The following FNIP2 variants were observed in gnomAD, a reference collection of about 807,000 sequenced individuals.
The protein encoded by FNIP2 is folliculin interacting protein 2, also known as folliculin-interacting protein 2.
FNIP2 carries 32 observed loss-of-function variants against 108.7 expected under a neutral mutation model. That is an observed-to-expected ratio of 0.29 (90% CI 0.22 to 0.40). FNIP2 has a LOEUF of 0.40. Among genes scored for constraint, FNIP2 ranks in the 10% least tolerant of loss-of-function variants. The pLI is 1.00. For missense variants in FNIP2, 1,202 were observed against 1,381.6 expected (o/e 0.87, Z 2.06); for synonymous variants, 480 against 496.7 (o/e 0.97, Z 0.45).
At chr4:158,872,435 G>A (rs1781004781) in intron 14 of FNIP2, 1 of 985,158 alleles carries the variant, frequency 1.0e-6, no homozygotes, top group South Asian at 4.7e-5. Flanking sequence ...CTTTTAGAAG[G>A]AGTGTTTTCA....
At position 158,869,235 on chromosome 4, in the gene FNIP2, G is replaced by C. The variant is rs760179876; in HGVS notation, c.2599G>C (p.Gly867Arg). Reference protein sequence around the residue: ...CVQRGPGLVAGANIPCGDDNK... With the variant: ...CVQRGPGLVARANIPCGDDNK... ...CCAGCGGGGCCCTGGCCTCGTGGCTGGTGCGAATATCCCCTGTGGGGATGA... is the reference window on the plus strand; with the variant it reads ...CCAGCGGGGCCCTGGCCTCGTGGCTCGTGCGAATATCCCCTGTGGGGATGA... Residue 867 changes from glycine (G) to arginine (R), a missense_variant, in exon 13 of 17, where the codon GGT becomes CGT. Coordinates refer to ENST00000264433, the MANE Select transcript of FNIP2 (RefSeq NM_020840.3). 1 of 1,614,054 alleles carries C rather than the reference G, an allele frequency of 6.2e-7. No homozygotes were observed. The highest frequency in any genetic ancestry group is 1.7e-5 in the Admixed American group (1 of 60,034).
intron 7 of FNIP2, among the ~76,000 whole-genome samples, chr4:158,839,506 C>G (rs1477603876): frequency 6.6e-6 from 1 of 152,048 alleles, no homozygotes; most frequent in African/African-American, 2.4e-5. Context: ...GCTGGGACTA[C>G]AGTCATGCAC....
intron 2 of FNIP2, 94 bp from the exon 3 acceptor site, chr4:158,828,985 C>A: frequency 1.9e-6 from 2 of 1,051,344 alleles, no homozygotes; most frequent in Non-Finnish European, 2.6e-6. Context: ...ACCTAGGCAC[C>A]AGAATGCTTT....
Position 158,869,094 on chromosome 4 carries a change from G to A in FNIP2, c.2458G>A (p.Gly820Ser). ...AGQLSHAADL[G>S]TASHGAGGTG... Reference sequence around the variant, plus strand: ...GCAGCTCAGCCACGCTGCTGACTTGGGCACAGCCTCCCACGGTGCAGGAGG... The same window carrying A: ...GCAGCTCAGCCACGCTGCTGACTTGAGCACAGCCTCCCACGGTGCAGGAGG... Residue 820 changes from glycine to serine, a missense_variant, in exon 13 of 17, where the codon GGC (glycine) becomes AGC (serine). Gly to Ser is a moderately conservative substitution (Grantham distance 56). This residue lies in a region of FNIP2 where 878 missense variants were observed against 990.3 expected (regional missense o/e 0.89). Coordinates refer to ENST00000264433, the MANE Select transcript of FNIP2 (RefSeq NM_020840.3). 6.2e-7 allele frequency: 1 copy of A among 1,614,006 alleles called. No individual in the cohort carries two copies. The highest frequency in any genetic ancestry group is 8.5e-7 in the Non-Finnish European group (1 of 1,179,902).
chr4:158,883,746 G>C (rs1235360161), intron 14 of FNIP2, among the ~76,000 whole-genome samples: 1 of 152,110 alleles, frequency 6.6e-6, no homozygotes, highest in Non-Finnish European at 1.5e-5. Context: ...GGAACTTGTA[G>C]CAACATGCAT....
chr4:158,855,456 CTTTTT>C (rs537334595), intron 8 of FNIP2, among the ~76,000 whole-genome samples: 1 of 150,534 alleles, frequency 6.6e-6, no homozygotes. Context: ...GTGAAGATCC[CTTTTT>C]TTTTGAGACG....
chr4:158,906,308 G>C lies in FNIP2; in HGVS notation c.*1764G>C, dbSNP rs1729841003. 1 of 152,106 alleles carries C rather than the reference G, an allele frequency of 6.6e-6. No individual in the cohort carries two copies. The highest frequency in any genetic ancestry group is 2.4e-5 in the African/African-American group (1 of 41,420). The allele number at this position is 152,106 out of a possible 1,614,324, so 9.4% of individuals were successfully genotyped here. A position where few individuals can be genotyped will look rare whatever the true frequency, so the allele number is the denominator to read the frequency against. ...ATAAACTGTCAGAGCTGATGTTACA[G>C]CTTTTACAGTTTAAAGCATTCCCCT... On this transcript the variant is annotated 3_prime_UTR_variant, in exon 17 of 17. Coordinates refer to ENST00000264433, the MANE Select transcript of FNIP2 (RefSeq NM_020840.3).
At chr4:158,799,974 T>TA (rs1776708004) in intron 1 of FNIP2, among the ~76,000 whole-genome samples, 1 of 152,204 alleles carries the variant, frequency 6.6e-6, no homozygotes, top group African/African-American at 2.4e-5. Context: ...GACAAATAGA[T>TA]ACGCAGTGCC....
Position 158,831,967 on chromosome 4 carries a change from T to C in FNIP2, c.482+6T>C, listed in dbSNP as rs1247069729. The C allele has an allele frequency of 6.2e-7, 1 of 1,607,678 alleles. No homozygotes were observed. Among genetic ancestry groups the C allele is most frequent in the East Asian group, 2.2e-5 (1 of 44,826 alleles). The stretch of plus-strand genomic sequence containing the variant: ...TTAAAGATACACTACATACGGTGAG[T>C]CTGGGCTTCCTTTTCTACTAGTTTT... On this transcript the variant is annotated splice_donor_region_variant and intron_variant, in intron 4 of 16. Coordinates refer to ENST00000264433, the MANE Select transcript of FNIP2 (RefSeq NM_020840.3).
chr4:158,861,204 A>G, intron 10 of FNIP2, 138 bp from the exon 11 acceptor site: 1 of 1,048,146 alleles, frequency 9.5e-7, no homozygotes, highest in East Asian at 2.6e-5. Context: ...ATAGTGTGCA[A>G]CCCCTGTTAT....
chr4:158,871,661 C>T, intron 14 of FNIP2: 1 of 985,392 alleles, frequency 1.0e-6, no homozygotes, highest in Middle Eastern at 5.2e-4. Flanking sequence ...GTTCCTAACC[C>T]CACCCCTGCT....
chr4:158,904,762 G>T lies in FNIP2; in HGVS notation c.*218G>T. 1 of 524,808 alleles carries T rather than the reference G, an allele frequency of 1.9e-6. No individual in the cohort carries two copies. The highest frequency in any genetic ancestry group is 3.4e-6 in the Non-Finnish European group (1 of 292,200). 32.5% of individuals were successfully genotyped at this position (524,808 alleles called of 1,614,324 possible). ...ATTTGTGATTGTCGTGAACACTTTA[G>T]GCCATTTGTTACCCATGAATCAACA... On this transcript the variant is annotated 3_prime_UTR_variant, in exon 17 of 17. Transcript: ENST00000264433.
At chr4:158,793,436 AT>A (rs1776486229) in intron 1 of FNIP2, among the ~76,000 whole-genome samples, 1 of 152,172 alleles carries the variant, frequency 6.6e-6, no homozygotes, top group Non-Finnish European at 1.5e-5. Context: ...AAGAATCAAG[AT>A]TTGTTTACTG....
intron 7 of FNIP2, among the ~76,000 whole-genome samples, chr4:158,839,673 A>G (rs1779014389): frequency 6.6e-6 from 1 of 152,124 alleles, no homozygotes; most frequent in South Asian, 2.1e-4. Context: ...CCACAACTTC[A>G]TTTATTTGTT....
intron 14 of FNIP2, among the ~76,000 whole-genome samples, chr4:158,885,180 C>T (rs962659229): frequency 2.6e-5 from 4 of 151,892 alleles, no homozygotes; most frequent in South Asian, 4.2e-4. Context: ...AATCAGCTCT[C>T]GTGAGAACTC....
chr4:158,849,167 G>C (rs1314938745), intron 7 of FNIP2, among the ~76,000 whole-genome samples: 1 of 152,202 alleles, frequency 6.6e-6, no homozygotes, highest in Non-Finnish European at 1.5e-5. Context: ...ACATAGAAAG[G>C]CAAGGGAATG....
In FNIP2 at chr4:158,781,458, C is replaced by A. The variant is rs570284168; in HGVS notation, c.107+12139C>A. ...ACCCCAAAGTGTAGATGGGGAGGGA[C>A]CCCAGTCTATACTTTGAGTCTTATT... On this transcript the variant is annotated intron_variant, in intron 1 of 16. Coordinates refer to ENST00000264433, the MANE Select transcript of FNIP2 (RefSeq NM_020840.3). Among the ~76,000 whole-genome samples the A allele has an allele frequency of 2.0e-5, 3 of 152,140 alleles. No individual in the cohort carries two copies. In the East Asian group the frequency reaches 5.8e-4, roughly 29 times the overall value.
intron 1 of FNIP2, chr4:158,806,153 G>C (rs935920448): frequency 5.7e-6 from 7 of 1,231,170 alleles, no homozygotes; most frequent in South Asian, 5.6e-5. Context: ...GGTCATTACA[G>C]AATGTTCCTC....
At chr4:158,866,429 G>A (rs1479277973) in intron 12 of FNIP2, among the ~76,000 whole-genome samples, 1 of 150,986 alleles carries the variant, frequency 6.6e-6, no homozygotes, top group Non-Finnish European at 1.5e-5. Flanking sequence ...TGTTGGCCAG[G>A]CTGGTCTCGA....
Sources: allele counts gnomAD v4.1 joint callset (sites outside exome capture counted in the v4.1 genomes callset), GRCh38; gene constraint gnomAD v4.1.1; regional missense constraint gnomAD v4.1.1; transcripts MANE v1.5; gene names NCBI Gene and HGNC (gene_info 2026-07-23, HGNC 2026-07-21).